SHTN1: variants seen among roughly 807,000 people sequenced by gnomAD.
SHTN1 encodes shootin 1, also known as shootin-1.
Under a neutral mutation model 83.1 loss-of-function variants are expected in SHTN1, and 42 were observed. The observed-to-expected ratio is 0.51, with a 90% CI of 0.39 to 0.65. The LOEUF is 0.65. Ranked by LOEUF, SHTN1 falls within the 30% of genes least tolerant of loss-of-function variation. SHTN1 has a pLI of 0.00. For synonymous variants in SHTN1, 224 were observed against 247.7 expected (o/e 0.90, Z 0.90); for missense variants, 622 against 737.8 (o/e 0.84, Z 1.82).
intron 16 of SHTN1, among the ~76,000 whole-genome samples, chr10:116,894,920 T>C (rs1401106550): frequency 2.0e-5 from 3 of 152,210 alleles, no homozygotes; most frequent in African/African-American, 7.2e-5. Context: ...CATTTTAAGA[T>C]CTGCTTACCT....
intron 2 of SHTN1, 92 bp downstream of exon 2, chr10:116,979,164 A>G: frequency 9.5e-7 from 1 of 1,054,210 alleles, no homozygotes; most frequent in South Asian, 1.3e-5. Flanking sequence ...ACCCTCATTC[A>G]CATTTAACTG....
upstream of SHTN1, among the ~76,000 whole-genome samples, chr10:117,009,706 C>T (rs1257114063): frequency 6.6e-6 from 1 of 152,024 alleles, no homozygotes; most frequent in Non-Finnish European, 1.5e-5. Context: ...AGATTGAGAC[C>T]ATCCTGGCTA....
intron 2 of SHTN1, among the ~76,000 whole-genome samples, chr10:117,038,790 A>G (rs1228560450): frequency 6.6e-6 from 1 of 152,256 alleles, no homozygotes; most frequent in Non-Finnish European, 1.5e-5. Flanking sequence ...CGACAACGTG[A>G]TATCACTACA....
intron 5 of SHTN1, among the ~76,000 whole-genome samples, chr10:116,953,702 A>G (rs1273162085): frequency 7.3e-6 from 1 of 137,004 alleles, no homozygotes; most frequent in Non-Finnish European, 1.5e-5. Flanking sequence ...ATCTCGGCTC[A>G]CTGCAACCTC....
chr10:116,906,598 AG>A, intron 15 of SHTN1, 28 bp downstream of exon 15: 1 of 1,582,124 alleles, frequency 6.3e-7, no homozygotes, highest in South Asian at 1.2e-5. Context: ...GATGAAGAGA[AG>A]GACTGTGGAG....
At chr10:116,970,929 GAGAACTTT>G (rs1850594936) in intron 2 of SHTN1, among the ~76,000 whole-genome samples, 1 of 152,126 alleles carries the variant, frequency 6.6e-6, no homozygotes, top group African/African-American at 2.4e-5. Context: ...TAGAAATGGT[GAGAACTTT>G]CAGTTGTATT....
Position 117,114,626 on chromosome 10 carries a change from A to T in SHTN1, c.-189+11681T>A, listed in dbSNP as rs74735187. Among the ~76,000 whole-genome samples the T allele has an allele frequency of 2.3e-3, 345 of 152,208 alleles. 6 individuals carry two copies. The East Asian group carries it at 0.061, about 27-fold the overall frequency. On this transcript the variant is annotated intron_variant, in intron 1 of 17. Transcript: ENST00000392901. ...CCTCTACCTGGGGTGAAAACTATAC[A>T]CTAGGCAGGAAGCAGGCCCTTGGAT...
At chr10:117,072,691 A>G (rs569619912) in intron 1 of SHTN1, among the ~76,000 whole-genome samples, 6 of 152,296 alleles carry the variant, frequency 3.9e-5, no homozygotes, top group African/African-American at 1.4e-4. Context: ...GGAACACCCC[A>G]TGGGACAAAG....
chr10:116,896,801 C>CTTTTTTTTTTTTTTTTTTTTT (rs1230730641), intron 16 of SHTN1, among the ~76,000 whole-genome samples: 1 of 121,718 alleles, frequency 8.2e-6, no homozygotes, highest in Non-Finnish European at 1.7e-5. Flanking sequence ...TGATCAGGTA[C>CTTTTTTTTTTTTTTTTTTTTT]TTTTTTTTTT....
At chr10:117,062,072 A>G (rs574668440) in intron 1 of SHTN1, among the ~76,000 whole-genome samples, 26 of 152,210 alleles carry the variant, frequency 1.7e-4, no homozygotes, top group Admixed American at 1.3e-4. Flanking sequence ...TCCCTCCAGA[A>G]GAATTACTTT....
At chr10:116,972,713 T>A (rs982509843) in intron 2 of SHTN1, among the ~76,000 whole-genome samples, 1 of 152,242 alleles carries the variant, frequency 6.6e-6, no homozygotes, top group African/African-American at 2.4e-5. Flanking sequence ...TAGCAACAGA[T>A]GTTCTTGGGC....
intron 1 of SHTN1, among the ~76,000 whole-genome samples, chr10:117,062,573 C>T (rs145519942): frequency 6.6e-6 from 1 of 152,274 alleles, no homozygotes; most frequent in East Asian, 1.9e-4. Context: ...CTTCCTCAGC[C>T]TCAGTTACCT....
upstream of SHTN1, among the ~76,000 whole-genome samples, chr10:117,007,062 G>C (rs913074037): frequency 3.9e-4 from 60 of 152,064 alleles, no homozygotes; most frequent in African/African-American, 1.4e-3. Context: ...AAATAATTTT[G>C]ATATGGGATT....
intron 1 of SHTN1, among the ~76,000 whole-genome samples, chr10:117,066,586 C>T (rs552971795): frequency 6.6e-6 from 1 of 152,126 alleles, no homozygotes; most frequent in African/African-American, 2.4e-5. Context: ...ACTACAAAAG[C>T]CCTAAGACAC....
At position 116,975,162 on chromosome 10, in the gene SHTN1, C is replaced by T. The variant is rs376891353; in HGVS notation, c.111+4094G>A. ...CATTTATCTTGATGTTAAAAAAACT[C>T]GCTGTTTTTACATTTGAAGGCAACC... On this transcript the variant is annotated intron_variant, in intron 2 of 16. Transcript: ENST00000355371. Among the ~76,000 whole-genome samples, 26 of 152,202 alleles carry T rather than the reference C, an allele frequency of 1.7e-4. No individual in the cohort carries two copies. In the East Asian group the frequency reaches 3.9e-3, roughly 23 times the overall value.
intron 1 of SHTN1, among the ~76,000 whole-genome samples, chr10:117,072,572 G>A (rs1165552340): frequency 6.6e-6 from 1 of 152,172 alleles, no homozygotes; most frequent in Non-Finnish European, 1.5e-5. Flanking sequence ...CAAGCCCAGA[G>A]CCTGGTAGAC....
intron 1 of SHTN1, among the ~76,000 whole-genome samples, chr10:117,075,436 C>A (rs190629270): frequency 1.4e-3 from 211 of 152,288 alleles, no homozygotes; most frequent in African/African-American, 4.9e-3. Flanking sequence ...AAATACCGGG[C>A]AAATTCTTAA....
intron 11 of SHTN1, among the ~76,000 whole-genome samples, chr10:116,923,292 G>A (rs1275958014): frequency 1.3e-5 from 2 of 152,174 alleles, no homozygotes; most frequent in East Asian, 3.9e-4. Flanking sequence ...ATAGGCTTGT[G>A]TACATATCTG....
At chr10:117,061,178 G>A (rs1036195439) in intron 1 of SHTN1, among the ~76,000 whole-genome samples, 113 of 136,808 alleles carry the variant, frequency 8.3e-4, no homozygotes, top group Non-Finnish European at 9.1e-4. Flanking sequence ...GTGGAGTCTC[G>A]CTGTGTCACT....
Sources: gnomAD v4.1 joint callset for allele counts (sites outside exome capture counted in the v4.1 genomes callset) on GRCh38, gnomAD v4.1.1 for gene constraint, MANE v1.5 for transcripts, NCBI Gene and HGNC (gene_info 2026-07-23, HGNC 2026-07-21) for gene names.